Variants in UNC79 observed in about 807,000 individuals in gnomAD.
UNC79 encodes protein unc-79 homolog.
UNC79 carries 37 observed loss-of-function variants against 283.1 expected under a neutral mutation model. The observed-to-expected ratio is 0.13, with a 90% confidence interval of 0.10 to 0.17. UNC79 has a LOEUF of 0.17. Ranked by LOEUF, UNC79 falls within the 10% of genes least tolerant of loss-of-function variation. UNC79 has a pLI of 1.00. For missense variants in UNC79, 2,272 were observed against 3,211.1 expected (o/e 0.71, Z 7.07); for synonymous variants, 1,107 against 1,200.2 (o/e 0.92, Z 1.61).
At chr14:93,450,275 C>A (rs528603377) in intron 1 of UNC79, among the ~76,000 whole-genome samples, 2 of 152,282 alleles carry the variant, frequency 1.3e-5, no homozygotes, top group African/African-American at 4.8e-5. Flanking sequence ...GTGTCCTTAG[C>A]TGTTTGAGGC....
rs78409445 is a variant in UNC79, at chr14:93,411,711, C to T, written c.-350-55960C>T. ...CAATCAAGGTGGTACCTGTATGAGTCTGTGAGAACCACAGCATTACTGGGC... is the reference window on the plus strand; with the variant it reads ...CAATCAAGGTGGTACCTGTATGAGTTTGTGAGAACCACAGCATTACTGGGC... On this transcript the variant is annotated intron_variant, in intron 1 of 49. Coordinates refer to the UNC79 transcript ENST00000256339. Among the ~76,000 whole-genome samples the T allele has an allele frequency of 2.8e-3, 424 of 152,376 alleles. 1 individual carries two copies. The highest frequency in any genetic ancestry group is 9.7e-3 in the African/African-American group (405 of 41,602).
chr14:93,498,198 A>T (rs1171107745), intron 7 of UNC79, among the ~76,000 whole-genome samples: 2 of 151,050 alleles, frequency 1.3e-5, no homozygotes, highest in Non-Finnish European at 3.0e-5. Flanking sequence ...ACCCAGGAGG[A>T]GGAGGTTGCA....
chr14:93,634,505 A>G lies in UNC79; in HGVS notation c.5717-2711A>G, dbSNP rs760118500. The G allele has an allele frequency of 1.1e-5, 17 of 1,577,404 alleles. No individual in the cohort carries two copies. The highest frequency in any genetic ancestry group is 1.4e-5 in the Non-Finnish European group (16 of 1,147,660). On this transcript the variant is annotated intron_variant, in intron 31 of 48. Coordinates refer to ENST00000555664, the Ensembl canonical transcript of UNC79. Reference sequence around the variant, plus strand: ...AAATTTATTATTATAATCATCTCCTAATTTCCTCCATCTAGCTCAGTATAG... The same window carrying G: ...AAATTTATTATTATAATCATCTCCTGATTTCCTCCATCTAGCTCAGTATAG...
At position 93,542,456 on chromosome 14, in the gene UNC79, C is replaced by G. The variant is rs779296504; in HGVS notation, c.1525-10C>G. ...GAAGCCGAACAAGGTTCTAATCTAC[C>G]TACTTCTAGGTGAGCCTCTGCACAC... On this transcript the variant is annotated splice_polypyrimidine_tract_variant and intron_variant, in intron 13 of 48. Coordinates refer to ENST00000555664, the Ensembl canonical transcript of UNC79. 6.2e-7 allele frequency: 1 copy of G among 1,609,834 alleles called. No homozygotes were observed. Among genetic ancestry groups the G allele is most frequent in the African/African-American group, 1.3e-5 (1 of 74,856 alleles).
chr14:93,345,090 G>A (rs997695189), intron 1 of UNC79, among the ~76,000 whole-genome samples: 1 of 152,118 alleles, frequency 6.6e-6, no homozygotes, highest in African/African-American at 2.4e-5. Context: ...CTCATGAATA[G>A]GATTAGTACC....
intron 16 of UNC79, among the ~76,000 whole-genome samples, chr14:93,574,458 A>T (rs552648124): frequency 6.6e-6 from 1 of 152,250 alleles, no homozygotes; most frequent in African/African-American, 2.4e-5. Flanking sequence ...CTTTCTGCGT[A>T]CTTCCTTTCT....
At chr14:93,542,005 A>C (rs2061403389) in intron 13 of UNC79, among the ~76,000 whole-genome samples, 1 of 56,988 alleles carries the variant, frequency 1.8e-5, no homozygotes, top group African/African-American at 1.1e-4. Flanking sequence ...ACTCCATCTC[A>C]AAAAAAAAAA....
intron 47 of UNC79, among the ~76,000 whole-genome samples, chr14:93,699,909 C>A (rs912265223): frequency 4.6e-5 from 7 of 152,156 alleles, no homozygotes; most frequent in African/African-American, 1.7e-4. Flanking sequence ...AAACATTCAT[C>A]TTTCATCTTT....
At chr14:93,361,510 CAAAA>C (rs35635849) in intron 1 of UNC79, among the ~76,000 whole-genome samples, 3 of 138,680 alleles carry the variant, frequency 2.2e-5, no homozygotes, top group Admixed American at 7.2e-5. Flanking sequence ...GACACTATCT[CAAAA>C]AAAAAAAAAA....
intron 1 of UNC79, among the ~76,000 whole-genome samples, chr14:93,354,319 C>G (rs2054041039): frequency 6.6e-6 from 1 of 152,182 alleles, no homozygotes; most frequent in Non-Finnish European, 1.5e-5. Context: ...ATTTGAAAAT[C>G]TGAAATCCAA....
At chr14:93,371,161 G>A (rs985946423) in intron 1 of UNC79, among the ~76,000 whole-genome samples, 2 of 152,022 alleles carry the variant, frequency 1.3e-5, no homozygotes, top group Non-Finnish European at 2.9e-5. Context: ...AGTCTGAGGT[G>A]GGCAGATCAC....
At chr14:93,431,807 G>A (rs2055891931) in intron 1 of UNC79, among the ~76,000 whole-genome samples, 1 of 152,194 alleles carries the variant, frequency 6.6e-6, no homozygotes, top group Non-Finnish European at 1.5e-5. Flanking sequence ...ACTCCTTGTG[G>A]ATGGAGTAAG....
rs573947395 is a variant in UNC79 at position 93,450,772 on chromosome 14, A to T, written c.23-16899A>T. Among the ~76,000 whole-genome samples the T allele has an allele frequency of 7.9e-5, 12 of 152,192 alleles. No individual in the cohort carries two copies. In the East Asian group the frequency reaches 2.1e-3, roughly 27 times the overall value. ...TAACAAAGTGCATTGCTATGTGTCT[A>T]TTTTTACTCATTGTGGTGGGCTCTT... is the stretch of plus-strand genomic sequence containing the variant. On this transcript the variant is annotated intron_variant, in intron 1 of 48. Transcript: ENST00000555664.
chr14:93,523,224 T>G (rs1222457874), intron 7 of UNC79, among the ~76,000 whole-genome samples: 1 of 152,184 alleles, frequency 6.6e-6, no homozygotes, highest in African/African-American at 2.4e-5. Flanking sequence ...TTATTACAGG[T>G]CACTTGGTTC....
At chr14:93,663,517 T>C (rs2071820293) in intron 40 of UNC79, among the ~76,000 whole-genome samples, 1 of 152,252 alleles carries the variant, frequency 6.6e-6, no homozygotes, top group South Asian at 2.1e-4. Flanking sequence ...TGTCCATTTC[T>C]ATAAGCCCTT....
intron 7 of UNC79, among the ~76,000 whole-genome samples, chr14:93,508,717 A>G (rs2059670343): frequency 6.6e-6 from 1 of 152,156 alleles, no homozygotes; most frequent in Admixed American, 6.5e-5. Context: ...ATTGAGTTTA[A>G]CATATTGATC....
chr14:93,499,537 C>A (rs746962303), intron 7 of UNC79, among the ~76,000 whole-genome samples: 1 of 152,252 alleles, frequency 6.6e-6, no homozygotes, highest in Non-Finnish European at 1.5e-5. Context: ...ACATGGAAAT[C>A]CATTCATTTT....
At chr14:93,467,627 C>CTTTTT in intron 1 of UNC79, 44 bp from the exon 2 acceptor site, 5 of 828,966 alleles carry the variant, frequency 6.0e-6, no homozygotes, top group Admixed American at 2.6e-4. Context: ...TTTTCTTCTT[C>CTTTTT]CTTTTTTTTT....
chr14:93,694,428 G>A lies in UNC79; in HGVS notation c.7548+16G>A, dbSNP rs1369899992. The A allele has an allele frequency of 1.2e-6, 2 of 1,602,040 alleles. No individual in the cohort carries two copies. The highest frequency in any genetic ancestry group is 2.7e-5 in the African/African-American group (2 of 74,780). On this transcript the variant is annotated intron_variant, in intron 47 of 48. Transcript: ENST00000555664. The stretch of plus-strand genomic sequence containing the variant: ...TTTTGTCAAGGTAGGAAAACCTTAT[G>A]ATTTTTAAAGACCATTTCTTACTGC...
Sources: allele counts gnomAD v4.1 joint callset (sites outside exome capture counted in the v4.1 genomes callset), GRCh38; gene constraint gnomAD v4.1.1; transcripts MANE v1.5; gene names NCBI Gene and HGNC (gene_info 2026-07-23, HGNC 2026-07-21).